Variants in CCDC102B observed in about 807,000 individuals in gnomAD.
CCDC102B encodes coiled-coil domain-containing protein 102B.
Under a neutral mutation model 57.4 loss-of-function variants are expected in CCDC102B, and 75 were observed. That is an observed-to-expected ratio of 1.31 (90% CI 1.08 to 1.58). CCDC102B has a LOEUF of 1.58. CCDC102B is among the 40% of genes most tolerant of loss of function. CCDC102B has a pLI of 0.00. For synonymous variants in CCDC102B, 206 were observed against 201.9 expected (o/e 1.02, Z -0.17); for missense variants, 636 against 582.6 (o/e 1.09, Z -0.94).
chr18:68,809,316 G>T (rs2036155795), intron 1 of CCDC102B, among the ~76,000 whole-genome samples: 1 of 152,054 alleles, frequency 6.6e-6, no homozygotes, highest in South Asian at 2.1e-4. Flanking sequence ...AAAGGAAGAA[G>T]AATTTACCAT....
chr18:68,833,472 C>T (rs1310835741), intron 1 of CCDC102B, among the ~76,000 whole-genome samples: 3 of 149,920 alleles, frequency 2.0e-5, no homozygotes, highest in African/African-American at 7.4e-5. Flanking sequence ...ATTAGTATGT[C>T]AAGGTGACTT....
At chr18:68,784,787 T>C (rs533217246) in intron 2 of CCDC102B, among the ~76,000 whole-genome samples, 9 of 152,284 alleles carry the variant, frequency 5.9e-5, no homozygotes, top group Non-Finnish European at 1.3e-4. Flanking sequence ...TGGTTCAGAT[T>C]GTCTTTAAAG....
At position 69,054,698 on chromosome 18, in the gene CCDC102B, AAG is replaced by A; in HGVS notation, c.*562_*563del. ...AGAAGTGAGCAGATGAATCAGAAAAAAGTGTTTTGTATTTTAAAGTAACAGAT... is the reference window on the plus strand; with the variant it reads ...AGAAGTGAGCAGATGAATCAGAAAAATGTTTTGTATTTTAAAGTAACAGAT... On this transcript the variant is annotated 3_prime_UTR_variant, in exon 8 of 8. Coordinates refer to ENST00000360242, the MANE Select transcript of CCDC102B (RefSeq NM_024781.3). The A allele has an allele frequency of 1.0e-6, 1 of 984,084 alleles. No individual in the cohort carries two copies. Among genetic ancestry groups the A allele is most frequent in the Non-Finnish European group, 1.2e-6 (1 of 828,754 alleles). 61.0% of individuals were successfully genotyped at this position (984,084 alleles called of 1,614,324 possible). A position where few individuals can be genotyped will look rare whatever the true frequency, so the allele number is the denominator to read the frequency against.
chr18:69,029,683 A>G (rs921954151), intron 7 of CCDC102B, among the ~76,000 whole-genome samples: 2 of 152,168 alleles, frequency 1.3e-5, no homozygotes, highest in Non-Finnish European at 2.9e-5. Context: ...CCATTTTAAG[A>G]TGTTATTTGC....
intron 1 of CCDC102B, among the ~76,000 whole-genome samples, chr18:68,820,142 T>G (rs1266242638): frequency 6.6e-6 from 1 of 152,082 alleles, no homozygotes; most frequent in Non-Finnish European, 1.5e-5. Context: ...TCATACTATT[T>G]TCGGGGGTAA....
intron 2 of CCDC102B, among the ~76,000 whole-genome samples, chr18:68,790,610 C>G (rs1245323356): frequency 1.3e-5 from 2 of 152,198 alleles, no homozygotes; most frequent in Non-Finnish European, 2.9e-5. Flanking sequence ...TGTCCCTCAC[C>G]CCTTTCTTTG....
intron 6 of CCDC102B, among the ~76,000 whole-genome samples, chr18:68,945,164 C>A (rs1012349526): frequency 8.0e-6 from 1 of 125,526 alleles, no homozygotes; most frequent in South Asian, 2.3e-4. Context: ...CTAGCTATCA[C>A]CCCACAGGTA....
rs574205395 is a variant in CCDC102B at position 68,837,041 on chromosome 18, G to C, written c.278G>C (p.Arg93Pro). 15 of 1,614,134 alleles carry C rather than the reference G, an allele frequency of 9.3e-6. No individual in the cohort carries two copies. The highest frequency in any genetic ancestry group is 1.3e-5 in the Non-Finnish European group (15 of 1,180,026). The change falls in exon 2 of 8, where the codon CGG (arginine) becomes CCG (proline). Residue 93 changes from arginine (R) to proline (P), a missense_variant. Coordinates refer to ENST00000360242, the MANE Select transcript of CCDC102B (RefSeq NM_024781.3). Reference sequence around the variant, plus strand: ...GCTGCTCAGATGGAAAAGACCATGCGGTGGTGGTCGGACTGCACTGCCAAC... The same window carrying C: ...GCTGCTCAGATGGAAAAGACCATGCCGTGGTGGTCGGACTGCACTGCCAAC... ...ARAAQMEKTM[R>P]WWSDCTANWR...
intron 4 of CCDC102B, chr18:68,866,918 C>G (rs1056464656): frequency 5.8e-5 from 32 of 554,888 alleles, no homozygotes; most frequent in African/African-American, 4.4e-4. Context: ...TGGGATCTCA[C>G]CCTTGATGTG....
intron 6 of CCDC102B, among the ~76,000 whole-genome samples, chr18:68,940,440 A>G (rs1305678896): frequency 6.6e-6 from 1 of 151,886 alleles, no homozygotes; most frequent in East Asian, 1.9e-4. Flanking sequence ...CTTTACATTA[A>G]TGAATCACAT....
In CCDC102B at chr18:68,836,934, C is replaced by A; in HGVS notation, c.171C>A (p.Phe57Leu). The A allele has an allele frequency of 6.2e-7, 1 of 1,614,166 alleles. No homozygotes were observed. Among genetic ancestry groups the A allele is most frequent in the Middle Eastern group, 1.7e-4 (1 of 6,060 alleles). The change falls in exon 2 of 8, where the codon TTC becomes TTA. Residue 57 changes from phenylalanine to leucine, a missense_variant. By Grantham distance (22) the Phe-to-Leu change is conservative. Transcript: ENST00000360242. ...HGLQSHAAHNFCAHSYNTNKW... is the reference protein window; with the variant it reads ...HGLQSHAAHNLCAHSYNTNKW... ...TACAATCTCATGCTGCTCACAATTT[C>A]TGTGCTCACTCATATAACACCAACA...
intron 2 of CCDC102B, among the ~76,000 whole-genome samples, chr18:68,786,679 T>A: frequency 7.1e-6 from 1 of 141,426 alleles, no homozygotes. Context: ...ATTGATTTTG[T>A]ATCCTGAGAC....
At chr18:68,963,130 A>T (rs76167929) in intron 6 of CCDC102B, among the ~76,000 whole-genome samples, 1,619 of 152,098 alleles carry the variant, frequency 0.011, 18 homozygotes, top group Non-Finnish European at 0.017. Context: ...TTTATTGTGG[A>T]CCTTGCTATA....
intron 6 of CCDC102B, among the ~76,000 whole-genome samples, chr18:68,916,973 TGCAGGCCCCA>T (rs1209839172): frequency 6.6e-6 from 1 of 151,878 alleles, no homozygotes; most frequent in Non-Finnish European, 1.5e-5. Flanking sequence ...AGCACAGAGG[TGCAGGCCCCA>T]GCAGGAAATC....
intron 2 of CCDC102B, among the ~76,000 whole-genome samples, chr18:68,742,303 C>CT (rs1411476927): frequency 6.6e-6 from 1 of 152,120 alleles, no homozygotes; most frequent in Non-Finnish European, 1.5e-5. Context: ...GTCTTTGTGT[C>CT]TCTTTTCCTC....
chr18:68,923,565 C>A (rs1275526034), intron 6 of CCDC102B, among the ~76,000 whole-genome samples: 1 of 151,974 alleles, frequency 6.6e-6, no homozygotes, highest in Admixed American at 6.6e-5. Context: ...TATTTTATCA[C>A]CCCCATTTTG....
intron 1 of CCDC102B, among the ~76,000 whole-genome samples, chr18:68,807,523 C>A (rs1185975467): frequency 6.6e-6 from 1 of 152,036 alleles, no homozygotes; most frequent in African/African-American, 2.4e-5. Flanking sequence ...AAAATAAAAA[C>A]CAAGCAAGCT....
At chr18:68,827,976 A>C (rs76480665) in intron 1 of CCDC102B, among the ~76,000 whole-genome samples, 2,493 of 152,040 alleles carry the variant, frequency 0.016, 32 homozygotes, top group Non-Finnish European at 0.029. Flanking sequence ...CAACACAGAC[A>C]CGGAGGGAAA....
intron 5 of CCDC102B, among the ~76,000 whole-genome samples, chr18:68,885,393 A>G (rs1470030994): frequency 6.6e-6 from 1 of 152,064 alleles, no homozygotes; most frequent in East Asian, 1.9e-4. Flanking sequence ...AGATGAATAT[A>G]TCCATCCAAT....
Sources: allele counts gnomAD v4.1 joint callset (sites outside exome capture counted in the v4.1 genomes callset), GRCh38; gene constraint gnomAD v4.1.1; transcripts MANE v1.5; gene names NCBI Gene and HGNC (gene_info 2026-07-23, HGNC 2026-07-21).